TFEB: variants seen among roughly 807,000 people sequenced by gnomAD.
TFEB encodes T-cell transcription factor EB.
In TFEB, 12 loss-of-function variants were observed where a neutral mutation model predicts 48.0. That is an observed-to-expected ratio of 0.25 (90% CI 0.16 to 0.40). TFEB has a LOEUF of 0.40. Among genes scored for constraint, TFEB ranks in the 10% least tolerant of loss-of-function variants. The probability of loss-of-function intolerance (pLI) is 1.00; values close to 1 mark genes in which losing one functional copy is unlikely to be tolerated. For missense variants in TFEB, 509 were observed against 640.3 expected (o/e 0.79, Z 2.21); for synonymous variants, 244 against 261.4 (o/e 0.93, Z 0.64).
At chr6:41,698,994 C>A (rs901815329) in intron 1 of TFEB, among the ~76,000 whole-genome samples, 1 of 152,148 alleles carries the variant, frequency 6.6e-6, no homozygotes, top group African/African-American at 2.4e-5. Context: ...CAGACCCAAA[C>A]AGAGTGAGGG....
At chr6:41,687,428 G>A (rs1261165254) in intron 6 of TFEB, among the ~76,000 whole-genome samples, 1 of 152,196 alleles carries the variant, frequency 6.6e-6, no homozygotes, top group Non-Finnish European at 1.5e-5. Flanking sequence ...AGCTGCCTGG[G>A]GTAGGACTCT....
In TFEB at chr6:41,691,041, T is replaced by A; in HGVS notation, c.173A>T (p.His58Leu). 6.4e-7 allele frequency: 1 copy of A among 1,573,196 alleles called. No individual in the cohort carries two copies. The highest frequency in any genetic ancestry group is 8.6e-7 in the Non-Finnish European group (1 of 1,157,970). ...AGGCACAGGTGGTGGCGACTGGAAG[T>A]GGACGGGGGTATTGATGGCCGGGGT... is the stretch of plus-strand genomic sequence containing the variant. Reference protein sequence around the residue: ...PPTPAINTPVHFQSPPPVPGE... With the variant: ...PPTPAINTPVLFQSPPPVPGE... The change falls in exon 2 of 9, where the codon CAC becomes CTC. Residue 58 changes from histidine (H) to leucine (L), a missense_variant. This residue lies in a region of TFEB where 251 missense variants were observed against 317.2 expected (regional missense o/e 0.79). Coordinates refer to ENST00000373033, the MANE Select transcript of TFEB (RefSeq NM_001271944.2). This position sits in a 1 kb window ranked among gnomAD's most constrained non-coding sequence, Gnocchi z 5.2.
intron 1 of TFEB, among the ~76,000 whole-genome samples, chr6:41,717,086 C>T (rs1357958303): frequency 1.3e-5 from 2 of 152,182 alleles, no homozygotes; most frequent in African/African-American, 4.8e-5. Flanking sequence ...GTTGTTTCCC[C>T]ACTCTAACAC....
At chr6:41,706,125 G>A (rs1394347423) in intron 1 of TFEB, among the ~76,000 whole-genome samples, 4 of 152,216 alleles carry the variant, frequency 2.6e-5, no homozygotes, top group Non-Finnish European at 2.9e-5. Flanking sequence ...TCTGGCCAGG[G>A]AGAGGGGCCT....
At chr6:41,693,988 C>T (rs964706089) in intron 1 of TFEB, among the ~76,000 whole-genome samples, 2 of 150,238 alleles carry the variant, frequency 1.3e-5, no homozygotes, top group Non-Finnish European at 3.0e-5. Flanking sequence ...CCCACCCACA[C>T]GGCACTGGCT....
rs563216054 is a variant in TFEB at position 41,713,946 on chromosome 6, C to T, written c.-23+21404G>A. The stretch of plus-strand genomic sequence containing the variant: ...ACCCATCCCCTGACACCCACAGGAA[C>T]CCCCCAGCCTGAGCTAGAGTGGGCC... On this transcript the variant is annotated intron_variant, in intron 1 of 8. Coordinates refer to ENST00000373033, the MANE Select transcript of TFEB (RefSeq NM_001271944.2). Among the ~76,000 whole-genome samples the T allele has an allele frequency of 2.0e-5, 3 of 152,344 alleles. No individual in the cohort carries two copies. In the East Asian group the frequency reaches 5.8e-4, roughly 29 times the overall value.
At chr6:41,714,104 T>C (rs1168253636) in intron 1 of TFEB, among the ~76,000 whole-genome samples, 1 of 147,464 alleles carries the variant, frequency 6.8e-6, no homozygotes, top group Non-Finnish European at 1.5e-5. Context: ...TGCGTGTGTG[T>C]GTGCACGTGT....
At chr6:41,728,427 C>T (rs1177711831) in intron 1 of TFEB, among the ~76,000 whole-genome samples, 1 of 152,196 alleles carries the variant, frequency 6.6e-6, no homozygotes, top group Non-Finnish European at 1.5e-5. Flanking sequence ...GCAAGGCCAG[C>T]CAGCACCGTC....
chr6:41,708,309 A>G (rs1173610123), intron 1 of TFEB, among the ~76,000 whole-genome samples: 1 of 152,182 alleles, frequency 6.6e-6, no homozygotes, highest in East Asian at 1.9e-4. Flanking sequence ...AGGGCTTGGC[A>G]GACCCCCAGG....
In TFEB at chr6:41,691,419, C is replaced by T. The variant is rs751751725; in HGVS notation, c.-22-184G>A. Reference sequence around the variant, plus strand: ...AGCGGGTGACAGCTGAGACATGAATCCAAGTTTCCTGGTTCCTGGACCAAA... The same window carrying T: ...AGCGGGTGACAGCTGAGACATGAATTCAAGTTTCCTGGTTCCTGGACCAAA... On this transcript the variant is annotated intron_variant, in intron 1 of 8. Coordinates refer to ENST00000373033, the MANE Select transcript of TFEB (RefSeq NM_001271944.2). The surrounding 1 kb of genome is among the most constrained non-coding windows in gnomAD (Gnocchi z 5.2). 1.3e-6 allele frequency: 1 copy of T among 741,568 alleles called. No individual in the cohort carries two copies. Among genetic ancestry groups the T allele is most frequent in the South Asian group, 1.5e-5 (1 of 67,176 alleles). The allele number at this position is 741,568 out of a possible 1,614,324, so 45.9% of individuals were successfully genotyped here. A position where few individuals can be genotyped will look rare whatever the true frequency, so the allele number is the denominator to read the frequency against.
intron 6 of TFEB, 34 bp from the exon 7 acceptor site, chr6:41,687,203 A>G (rs749620328): frequency 6.2e-7 from 1 of 1,609,720 alleles, no homozygotes; most frequent in Non-Finnish European, 8.5e-7. Flanking sequence ...GAGCAATTAG[A>G]GGGATGGGGA....
At chr6:41,722,935 C>T (rs1291311034) in intron 1 of TFEB, among the ~76,000 whole-genome samples, 1 of 152,206 alleles carries the variant, frequency 6.6e-6, no homozygotes, top group Non-Finnish European at 1.5e-5. Context: ...CTCCATGTTA[C>T]AGATGAGGAA....
At chr6:41,715,841 A>T (rs1179890049) in intron 1 of TFEB, among the ~76,000 whole-genome samples, 2 of 152,140 alleles carry the variant, frequency 1.3e-5, no homozygotes, top group Admixed American at 1.3e-4. Flanking sequence ...AGGTCACCCA[A>T]CCTGTGAGTG....
intron 1 of TFEB, among the ~76,000 whole-genome samples, chr6:41,715,710 C>G (rs1178435026): frequency 6.6e-6 from 1 of 151,946 alleles, no homozygotes; most frequent in Non-Finnish European, 1.5e-5. Context: ...GATTCAGGTC[C>G]TCCCATGCTC....
Position 41,734,819 on chromosome 6 carries a change from C to G in TFEB, c.-23+531G>C, listed in dbSNP as rs1771605256. On this transcript the variant is annotated intron_variant, in intron 1 of 8. Transcript: ENST00000373033. This position sits in a 1 kb window ranked among gnomAD's most constrained non-coding sequence, Gnocchi z 4.0. ...TCCACCCGCCCCCCCATCAGCCCAG[C>G]CCCCGGGGCGTGGCGCCGCTCTGGC... 1 of 825,768 alleles carries G rather than the reference C, an allele frequency of 1.2e-6. No individual in the cohort carries two copies. Among genetic ancestry groups the G allele is most frequent in the Non-Finnish European group, 1.5e-6 (1 of 684,628 alleles). The allele number at this position is 825,768 out of a possible 1,614,324, so 51.2% of individuals were successfully genotyped here. A position where few individuals can be genotyped will look rare whatever the true frequency, so the allele number is the denominator to read the frequency against.
chr6:41,732,163 A>G (rs745368728), intron 1 of TFEB, among the ~76,000 whole-genome samples: 60 of 152,334 alleles, frequency 3.9e-4, no homozygotes, highest in South Asian at 4.1e-4. Context: ...TGCTTAGAGC[A>G]GGAAACCCTG....
At chr6:41,712,761 T>C (rs551742694) in intron 1 of TFEB, among the ~76,000 whole-genome samples, 1 of 152,114 alleles carries the variant, frequency 6.6e-6, no homozygotes, top group African/African-American at 2.4e-5. Context: ...CACCCAGCGT[T>C]ACTCTGGAGT....
intron 1 of TFEB, among the ~76,000 whole-genome samples, chr6:41,714,664 G>A (rs557280679): frequency 9.4e-4 from 143 of 152,290 alleles, no homozygotes; most frequent in Non-Finnish European, 1.4e-3. Context: ...CTTCTGAGAC[G>A]GACTATTGTC....
chr6:41,703,855 T>G (rs1333052764), intron 1 of TFEB, among the ~76,000 whole-genome samples: 2 of 152,186 alleles, frequency 1.3e-5, no homozygotes, highest in Non-Finnish European at 2.9e-5. Flanking sequence ...ACATATCCCC[T>G]GTTTTACAGA....
Sources: allele counts gnomAD v4.1 joint callset (sites outside exome capture counted in the v4.1 genomes callset), GRCh38; gene constraint gnomAD v4.1.1; regional missense constraint gnomAD v4.1.1; non-coding constraint Gnocchi (gnomAD v3.1); transcripts MANE v1.5; gene names NCBI Gene and HGNC (gene_info 2026-07-23, HGNC 2026-07-21).